TECPR2: variants seen among roughly 807,000 people sequenced by gnomAD.
TECPR2 encodes tectonin beta-propeller repeat-containing protein 2.
In TECPR2, 65 loss-of-function variants were observed where a neutral mutation model predicts 138.1. The ratio of observed to expected loss-of-function variants is 0.47; its 90% CI spans 0.39 to 0.58. The LOEUF (loss-of-function observed/expected upper bound fraction) is 0.58. Among genes scored for constraint, TECPR2 ranks in the 20% least tolerant of loss-of-function variants. The probability of loss-of-function intolerance (pLI) is 0.00; values close to 1 mark genes in which losing one functional copy is unlikely to be tolerated. For missense variants in TECPR2, 1,553 were observed against 1,824.5 expected, an observed-to-expected ratio of 0.85 and a Z score of 2.71; for synonymous variants, 746 against 749.8, an observed-to-expected ratio of 0.99 and a Z score of 0.08.
chr14:102,459,966 G>C (rs973051231), intron 16 of TECPR2, among the ~76,000 whole-genome samples: 1 of 152,058 alleles, frequency 6.6e-6, no homozygotes, highest in African/African-American at 2.4e-5. Context: ...TTCTCTAAAA[G>C]GCAAGCAGAA....
At chr14:102,461,799 C>G (rs1890417872) in intron 16 of TECPR2, among the ~76,000 whole-genome samples, 1 of 152,200 alleles carries the variant, frequency 6.6e-6, no homozygotes, top group Admixed American at 6.5e-5. Flanking sequence ...GTCGTGGGTC[C>G]TGCCTAACTC....
At chr14:102,464,348 G>A (rs550626410) in intron 16 of TECPR2, among the ~76,000 whole-genome samples, 38 of 152,260 alleles carry the variant, frequency 2.5e-4, no homozygotes, top group Middle Eastern at 3.4e-3. Flanking sequence ...CTCAATAGCA[G>A]TAAGAAATAA....
At chr14:102,449,519 T>G in intron 13 of TECPR2, 110 bp from the exon 14 acceptor site, 3 of 1,495,162 alleles carry the variant, frequency 2.0e-6, no homozygotes, top group Non-Finnish European at 2.7e-6. Flanking sequence ...GGTCATCTTG[T>G]TACTAGAAAT....
intron 2 of TECPR2, among the ~76,000 whole-genome samples, chr14:102,397,071 A>G (rs892946251): frequency 2.0e-5 from 3 of 152,210 alleles, no homozygotes; most frequent in Admixed American, 6.5e-5. Flanking sequence ...GCAACTGCAT[A>G]TAAGGGGGAG....
intron 11 of TECPR2, among the ~76,000 whole-genome samples, chr14:102,442,220 G>A (rs111329383): frequency 0.11 from 17,026 of 152,160 alleles, 1,546 homozygotes; most frequent in African/African-American, 0.26. Flanking sequence ...CTTGTGATCC[G>A]CCCGCCTCAG....
intron 4 of TECPR2, among the ~76,000 whole-genome samples, chr14:102,411,698 T>TAAAAAAAAAAAAAA (rs1219515960): frequency 0.013 from 125 of 9,688 alleles, 2 homozygotes; most frequent in Non-Finnish European, 0.021. Flanking sequence ...GCCATGTTGC[T>TAAAAAAAAAAAAAA]CAAAAAAAAA....
At chr14:102,471,987 T>C (rs114503028) in intron 17 of TECPR2, among the ~76,000 whole-genome samples, 1,586 of 152,322 alleles carry the variant, frequency 0.01, 30 homozygotes, top group African/African-American at 0.036. Flanking sequence ...TGTGGTAACA[T>C]TGGACTGTAA....
chr14:102,452,347 C>G (rs761906384), intron 15 of TECPR2, 47 bp from the exon 16 acceptor site: 14 of 1,565,330 alleles, frequency 8.9e-6, no homozygotes, highest in Non-Finnish European at 1.2e-5. Flanking sequence ...GGGCAGGCGG[C>G]TTGGTGCAGA....
chr14:102,438,186 G>A lies in TECPR2; in HGVS notation c.2559G>A (p.Gln853=). ...RWQKFEDAVQ[Q]VAVSPSGALL... The stretch of plus-strand genomic sequence containing the variant: ...AGAAGTTTGAAGATGCTGTCCAGCA[G>A]GTGGCAGTCTCGCCCTCAGGTTCGC... Residue 853 remains glutamine, a synonymous_variant, in exon 10 of 20, where the codon CAG becomes CAA. Coordinates refer to ENST00000359520, the MANE Select transcript of TECPR2 (RefSeq NM_014844.5). The A allele has an allele frequency of 6.2e-7, 1 of 1,608,844 alleles. No individual in the cohort carries two copies. Among genetic ancestry groups the A allele is most frequent in the East Asian group, 2.2e-5 (1 of 44,830 alleles).
intron 17 of TECPR2, among the ~76,000 whole-genome samples, chr14:102,469,133 A>G (rs540307854): frequency 7.9e-5 from 12 of 152,330 alleles, no homozygotes; most frequent in Non-Finnish European, 1.8e-4. Context: ...TTCTGCAAAA[A>G]AAAATACTAA....
chr14:102,489,915 C>A (rs1446618802), intron 17 of TECPR2, among the ~76,000 whole-genome samples: 4 of 149,184 alleles, frequency 2.7e-5, no homozygotes, highest in Non-Finnish European at 6.0e-5. Context: ...GTTCTTTTGC[C>A]TCCAAAGAAA....
In TECPR2 at chr14:102,496,749, T is replaced by C. The variant is rs542515570; in HGVS notation, c.3790-230T>C. 48 of 585,896 alleles carry C rather than the reference T, an allele frequency of 8.2e-5. No individual in the cohort carries two copies. In the African/African-American group the frequency reaches 8.2e-4, roughly 10 times the overall value. The allele number at this position is 585,896 out of a possible 1,614,324, so 36.3% of individuals were successfully genotyped here. Reference sequence around the variant, plus strand: ...CTTGGCCTCCTGCTGGAGTCCATGCTGGTATCTGCTGGGCTGTCCCTCAGT... The same window carrying C: ...CTTGGCCTCCTGCTGGAGTCCATGCCGGTATCTGCTGGGCTGTCCCTCAGT... On this transcript the variant is annotated intron_variant, in intron 17 of 19. Coordinates refer to ENST00000359520, the MANE Select transcript of TECPR2 (RefSeq NM_014844.5).
intron 2 of TECPR2, among the ~76,000 whole-genome samples, chr14:102,387,529 C>CTT (rs1368242295): frequency 7.1e-5 from 10 of 141,576 alleles, no homozygotes; most frequent in South Asian, 4.4e-4. Flanking sequence ...TCAGAGCTGT[C>CTT]TTTTTTTTTT....
intron 2 of TECPR2, among the ~76,000 whole-genome samples, chr14:102,377,687 C>G (rs977907900): frequency 1.3e-5 from 2 of 152,002 alleles, no homozygotes; most frequent in African/African-American, 4.8e-5. Flanking sequence ...GCCTGGGTGA[C>G]AGAGTGAGAC....
intron 10 of TECPR2, among the ~76,000 whole-genome samples, chr14:102,438,941 G>A (rs1478132240): frequency 1.3e-5 from 2 of 150,102 alleles, no homozygotes; most frequent in East Asian, 2.0e-4. Flanking sequence ...AGCTCACTGC[G>A]AGCTCCACCT....
At chr14:102,393,852 G>A (rs552299207) in intron 2 of TECPR2, among the ~76,000 whole-genome samples, 108 of 152,056 alleles carry the variant, frequency 7.1e-4, no homozygotes, top group Non-Finnish European at 1.1e-3. Flanking sequence ...GAGCCACCGC[G>A]CCTGGTCATG....
intron 17 of TECPR2, among the ~76,000 whole-genome samples, chr14:102,482,141 A>G (rs1890906886): frequency 1.3e-5 from 2 of 151,436 alleles, no homozygotes; most frequent in Admixed American, 6.6e-5. Flanking sequence ...GCAACCTCCA[A>G]CTCCTGGGTC....
At chr14:102,498,066 T>C (rs941435356) in intron 19 of TECPR2, 37 bp from the exon 20 acceptor site, 2 of 1,601,864 alleles carry the variant, frequency 1.2e-6, no homozygotes, top group African/African-American at 2.7e-5. Flanking sequence ...ACAGGCTGTG[T>C]GATTGACAAG....
intron 17 of TECPR2, among the ~76,000 whole-genome samples, chr14:102,474,367 G>A (rs1416945934): frequency 6.6e-6 from 1 of 151,870 alleles, no homozygotes; most frequent in Non-Finnish European, 1.5e-5. Flanking sequence ...GCTCATGCCT[G>A]TAATGCCAGC....
Sources: allele counts gnomAD v4.1 joint callset (sites outside exome capture counted in the v4.1 genomes callset), GRCh38; gene constraint gnomAD v4.1.1; transcripts MANE v1.5; gene names NCBI Gene and HGNC (gene_info 2026-07-23, HGNC 2026-07-21).